USP47: variants seen among roughly 807,000 people sequenced by gnomAD.
USP47 encodes ubiquitin carboxyl-terminal hydrolase 47.
A neutral mutation model predicts 165.1 loss-of-function variants in USP47; 35 were observed. That is an observed-to-expected ratio of 0.21 (90% CI 0.16 to 0.28). The LOEUF (loss-of-function observed/expected upper bound fraction) is 0.28. Ranked by LOEUF, USP47 falls within the 10% of genes least tolerant of loss-of-function variation. The pLI is 1.00. For synonymous variants in USP47, 531 were observed against 544.5 expected (o/e 0.98, Z 0.35); for missense variants, 1,277 against 1,607.4 (o/e 0.79, Z 3.52).
intron 8 of USP47, among the ~76,000 whole-genome samples, chr11:11,917,787 A>G (rs951263914): frequency 6.6e-6 from 1 of 152,200 alleles, no homozygotes; most frequent in Non-Finnish European, 1.5e-5. Context: ...AATATTACCT[A>G]ACACACACAG....
At chr11:11,953,585 TAAAC>T (rs1345469352) in intron 25 of USP47, among the ~76,000 whole-genome samples, 1 of 151,998 alleles carries the variant, frequency 6.6e-6, no homozygotes, top group Non-Finnish European at 1.5e-5. Context: ...AAGCAACTCA[TAAAC>T]AAAGCTAAAA....
chr11:11,864,562 A>G (rs1403378279), intron 1 of USP47, among the ~76,000 whole-genome samples: 1 of 150,724 alleles, frequency 6.6e-6, no homozygotes, highest in Non-Finnish European at 1.5e-5. Flanking sequence ...TCTGGCAACC[A>G]CCATTCTACT....
chr11:11,947,656 G>A (rs1234299676), intron 20 of USP47, among the ~76,000 whole-genome samples: 1 of 151,550 alleles, frequency 6.6e-6, no homozygotes, highest in African/African-American at 2.4e-5. Flanking sequence ...AGCTAGAAGT[G>A]TATATATTTT....
At chr11:11,937,573 CTTTT>C (rs554663366) in intron 17 of USP47, among the ~76,000 whole-genome samples, 1 of 133,732 alleles carries the variant, frequency 7.5e-6, no homozygotes, top group Non-Finnish European at 1.6e-5. Context: ...CATTTCCTTG[CTTTT>C]TTTTTTTTTT....
chr11:11,938,227 A>G (rs754625416), intron 17 of USP47, 30 bp from the exon 18 acceptor site: 26 of 1,586,132 alleles, frequency 1.6e-5, no homozygotes, highest in South Asian at 1.1e-5. Flanking sequence ...ATAACCTCCA[A>G]TTCTGTGTTT....
chr11:11,929,457 C>T lies in USP47; in HGVS notation c.1410C>T (p.Phe470=). 1 of 1,611,966 alleles carries T rather than the reference C, an allele frequency of 6.2e-7. No homozygotes were observed. Among genetic ancestry groups the T allele is most frequent in the Non-Finnish European group, 8.5e-7 (1 of 1,178,782 alleles). Residue 470 remains phenylalanine (F), a synonymous_variant, in exon 12 of 28, where the codon TTC becomes TTT. Transcript: ENST00000527733. ...AGAATTCCTTGATCTATGAACTTTT[C>T]TCTGTTATGGTTCATTCTGGGAGCG... is the stretch of plus-strand genomic sequence containing the variant. ...LEKNSLIYEL[F]SVMVHSGSAA...
At chr11:11,927,310 T>A (rs562058391) in intron 11 of USP47, among the ~76,000 whole-genome samples, 11 of 152,230 alleles carry the variant, frequency 7.2e-5, no homozygotes, top group African/African-American at 2.6e-4. Flanking sequence ...TTTTGGTTTT[T>A]GGTTTATTGG....
At chr11:11,885,242 A>G (rs1242076091) in intron 3 of USP47, among the ~76,000 whole-genome samples, 1 of 152,130 alleles carries the variant, frequency 6.6e-6, no homozygotes, top group Non-Finnish European at 1.5e-5. Context: ...GGGAGGGGCC[A>G]AGATGGCCGA....
At chr11:11,848,100 T>C (rs1357403697) in intron 1 of USP47, among the ~76,000 whole-genome samples, 4 of 152,242 alleles carry the variant, frequency 2.6e-5, no homozygotes, top group African/African-American at 9.6e-5. Flanking sequence ...ATGGATTCAG[T>C]TGATTTTTTA....
intron 12 of USP47, 92 bp from the exon 13 acceptor site, chr11:11,929,952 T>G: frequency 1.9e-6 from 2 of 1,067,194 alleles, no homozygotes; most frequent in Non-Finnish European, 1.4e-6. Flanking sequence ...TTTGATAGCA[T>G]TTAACTCTGA....
chr11:11,932,577 A>G (rs938964258), intron 14 of USP47, among the ~76,000 whole-genome samples: 2 of 152,168 alleles, frequency 1.3e-5, no homozygotes, highest in African/African-American at 4.8e-5. Context: ...TATCTCAGGT[A>G]GTAACTTTAT....
Position 11,863,730 on chromosome 11 carries a change from A to C in USP47, c.40-16447A>C, listed in dbSNP as rs1440999442. On this transcript the variant is annotated intron_variant, in intron 1 of 27. Coordinates refer to ENST00000527733, the MANE Select transcript of USP47 (RefSeq NM_001282659.2). ...CTCATGCTATGTAACTATCTTTTTA[A>C]TGTTAACTTTTACATTGAATAAATC... 3.9e-5 allele frequency among the ~76,000 whole-genome samples: 6 copies of C among 152,214 alleles called. No homozygotes were observed. In the East Asian group the frequency reaches 9.6e-4, roughly 24 times the overall value.
chr11:11,894,819 G>A (rs1317533287), intron 4 of USP47, among the ~76,000 whole-genome samples: 2 of 152,046 alleles, frequency 1.3e-5, no homozygotes, highest in Admixed American at 6.6e-5. Flanking sequence ...TAAAATACAT[G>A]TCATTGTCTT....
chr11:11,899,067 A>G (rs1485464627), intron 5 of USP47, among the ~76,000 whole-genome samples: 1 of 152,140 alleles, frequency 6.6e-6, no homozygotes, highest in Non-Finnish European at 1.5e-5. Flanking sequence ...AGGATTCACT[A>G]CTCTGTTCTG....
At chr11:11,843,946 A>T (rs1252175192) in intron 1 of USP47, among the ~76,000 whole-genome samples, 1 of 151,878 alleles carries the variant, frequency 6.6e-6, no homozygotes, top group African/African-American at 2.4e-5. Flanking sequence ...TCTATTCCTT[A>T]GTCTCATCTT....
At position 11,855,011 on chromosome 11, in the gene USP47, T is replaced by C. The variant is rs111607642; in HGVS notation, c.39+12787T>C. ...TCGGGAGGCTGAGGCAGGAGAATGG[T>C]GTGAACCCGGGAGGCGGAGTTTGCA... On this transcript the variant is annotated intron_variant, in intron 1 of 27. Transcript: ENST00000527733. Among the ~76,000 whole-genome samples, 572 of 117,076 alleles carry C rather than the reference T, an allele frequency of 4.9e-3. 2 individuals are homozygous for C. Among genetic ancestry groups the C allele is most frequent in the Middle Eastern group, 0.016 (2 of 126 alleles). The allele number at this position is 117,076 out of a possible 152,430, so 76.8% of individuals were successfully genotyped here.
intron 8 of USP47, among the ~76,000 whole-genome samples, chr11:11,916,081 A>T (rs1011354609): frequency 2.6e-5 from 4 of 152,182 alleles, no homozygotes; most frequent in Non-Finnish European, 5.9e-5. Context: ...AATAACCCGT[A>T]TTGTTTTTGA....
chr11:11,913,214 G>T (rs1853134079), intron 8 of USP47, among the ~76,000 whole-genome samples: 1 of 120,670 alleles, frequency 8.3e-6, no homozygotes, highest in African/African-American at 3.1e-5. Context: ...AAAATTGTCT[G>T]TATTTTTAGG....
intron 11 of USP47, among the ~76,000 whole-genome samples, chr11:11,925,571 G>A (rs1029596901): frequency 1.3e-5 from 2 of 151,058 alleles, no homozygotes; most frequent in Non-Finnish European, 1.5e-5. Flanking sequence ...ATTTAGAAAT[G>A]CAACAGATTT....
Sources: gnomAD v4.1 joint callset for allele counts (sites outside exome capture counted in the v4.1 genomes callset) on GRCh38, gnomAD v4.1.1 for gene constraint, MANE v1.5 for transcripts, NCBI Gene and HGNC (gene_info 2026-07-23, HGNC 2026-07-21) for gene names.